Variants in CUL1 observed in about 807,000 individuals in gnomAD.
CUL1 encodes cullin-1.
In CUL1, 24 loss-of-function variants were observed where a neutral mutation model predicts 118.0. That is an observed-to-expected ratio of 0.20 (90% CI 0.15 to 0.29). CUL1 has a LOEUF of 0.29. CUL1 is among the 10% of genes least tolerant of loss of function. The probability of loss-of-function intolerance (pLI) is 1.00; values close to 1 mark genes in which losing one functional copy is unlikely to be tolerated. For missense variants in CUL1, 361 were observed against 933.8 expected (o/e 0.39, Z 7.99); for synonymous variants, 332 against 340.4 (o/e 0.98, Z 0.27).
chr7:148,786,693 G>C (rs1475359891), intron 12 of CUL1, 94 bp downstream of exon 12: 31 of 1,049,748 alleles, frequency 3.0e-5, no homozygotes, highest in East Asian at 1.9e-4. Flanking sequence ...AATGTGAAAA[G>C]TAATAATCAT....
At chr7:148,741,793 C>T (rs548170293) in intron 2 of CUL1, among the ~76,000 whole-genome samples, 1 of 152,096 alleles carries the variant, frequency 6.6e-6, no homozygotes, top group Non-Finnish European at 1.5e-5. Flanking sequence ...AGGCTGGTCT[C>T]GAGCTCCTGG....
rs1379456419 is a variant in CUL1, at chr7:148,711,561, C to T, written c.-162+12532C>T. ...AATCAAATAAAGAGCACGGTAGCGC[C>T]GTTTCTCCTTTTGAACCAGTTTGTA... On this transcript the variant is annotated intron_variant, in intron 1 of 21. Transcript: ENST00000325222. Among the ~76,000 whole-genome samples the T allele has an allele frequency of 4.6e-5, 7 of 152,118 alleles. No homozygotes were observed. The East Asian group carries it at 1.2e-3, about 25-fold the overall frequency.
chr7:148,743,098 T>C (rs73158219), intron 2 of CUL1, among the ~76,000 whole-genome samples: 10,026 of 152,316 alleles, frequency 0.066, 396 homozygotes, highest in Middle Eastern at 0.11. Context: ...TGTTACTAAT[T>C]CCTAATTATA....
At chr7:148,749,244 C>T (rs1584788652) in intron 2 of CUL1, among the ~76,000 whole-genome samples, 1 of 151,452 alleles carries the variant, frequency 6.6e-6, no homozygotes, top group Admixed American at 6.6e-5. Flanking sequence ...TGGAGAAACC[C>T]CGTCTCTACT....
intron 1 of CUL1, among the ~76,000 whole-genome samples, chr7:148,710,493 C>T (rs113832367): frequency 0.017 from 2,529 of 152,200 alleles, 77 homozygotes; most frequent in Admixed American, 0.054. Context: ...CGCTTGAACC[C>T]GGGAGGCGGA....
Position 148,798,752 on chromosome 7 carries a change from G to A in CUL1, c.2136+75G>A, listed in dbSNP as rs764430022. On this transcript the variant is annotated intron_variant, in intron 20 of 21. Transcript: ENST00000325222. ...TGGCTCGCAAGGACGGGCCGTGGGG[G>A]GTAGGCGGGGGTGACAAAGGAGTGA... 5.0e-6 allele frequency: 6 copies of A among 1,188,178 alleles called. 1 individual carries two copies. Among genetic ancestry groups the A allele is most frequent in the South Asian group, 4.9e-5 (4 of 82,022 alleles). 73.6% of individuals were successfully genotyped at this position (1,188,178 alleles called of 1,614,324 possible). A position where few individuals can be genotyped will look rare whatever the true frequency, so the allele number is the denominator to read the frequency against.
intron 9 of CUL1, among the ~76,000 whole-genome samples, chr7:148,778,186 T>C (rs1800482804): frequency 6.6e-6 from 1 of 151,560 alleles, no homozygotes; most frequent in African/African-American, 2.4e-5. Context: ...ATGCTCCATC[T>C]GAAGAACTGT....
chr7:148,778,536 A>C (rs1376025152), intron 9 of CUL1, among the ~76,000 whole-genome samples: 1 of 152,152 alleles, frequency 6.6e-6, no homozygotes, highest in East Asian at 1.9e-4. Flanking sequence ...TGCTGATGCT[A>C]ATGGGAAGAA....
intron 2 of CUL1, among the ~76,000 whole-genome samples, chr7:148,749,230 A>C (rs1369807801): frequency 1.3e-5 from 2 of 152,098 alleles, no homozygotes; most frequent in Non-Finnish European, 2.9e-5. Flanking sequence ...CAGCCTGACC[A>C]ACATGGAGAA....
chr7:148,712,075 C>A lies in CUL1; in HGVS notation c.-162+13046C>A, dbSNP rs139773896. Among the ~76,000 whole-genome samples, 47 of 152,288 alleles carry A rather than the reference C, an allele frequency of 3.1e-4. 1 individual carries two copies. In the East Asian group the frequency reaches 8.7e-3, roughly 28 times the overall value. ...TCTAAAAGGAGGGCAGAATGGCTTGCTGTTTGTATCTTTGTATTTGTGTTA... is the reference window on the plus strand; with the variant it reads ...TCTAAAAGGAGGGCAGAATGGCTTGATGTTTGTATCTTTGTATTTGTGTTA... On this transcript the variant is annotated intron_variant, in intron 1 of 21. Coordinates refer to ENST00000325222, the MANE Select transcript of CUL1 (RefSeq NM_003592.3).
chr7:148,798,813 GCAAGGCCGAGAGCCAGGGC>G (rs1283528854), intron 20 of CUL1, 136 bp downstream of exon 20: 1 of 740,038 alleles, frequency 1.4e-6, no homozygotes, highest in Admixed American at 2.0e-5. Flanking sequence ...GCAGAAGGTG[GCAAGGCCGAGAGCCAGGGC>G]CTTGTTATCT....
At chr7:148,794,062 T>C (rs1293203295) in intron 17 of CUL1, among the ~76,000 whole-genome samples, 2 of 152,196 alleles carry the variant, frequency 1.3e-5, no homozygotes, top group African/African-American at 4.8e-5. Flanking sequence ...AAATGTTTGA[T>C]CAAATTCTTT....
intron 1 of CUL1, among the ~76,000 whole-genome samples, chr7:148,710,257 T>G (rs1798007434): frequency 6.6e-6 from 1 of 151,832 alleles, no homozygotes; most frequent in African/African-American, 2.4e-5. Flanking sequence ...GAAAGGTGCA[T>G]CTTGACTAGG....
At chr7:148,737,524 T>C (rs1196956763) in intron 2 of CUL1, among the ~76,000 whole-genome samples, 1 of 150,866 alleles carries the variant, frequency 6.6e-6, no homozygotes, top group African/African-American at 2.4e-5. Context: ...TTGTTAATGT[T>C]TGAAGATAGG....
rs373575432 is a variant in CUL1 at position 148,783,780 on chromosome 7, A to T, written c.1084-3A>T. 1.1e-5 allele frequency: 17 copies of T among 1,613,636 alleles called. No homozygotes were observed. In the African/African-American group the frequency reaches 2.0e-4, roughly 19 times the overall value. ...TTTGTTTCTATTTCTGCCCCCATTT[A>T]AGGACCCCAAAATGTATGTACAGAC... is the stretch of plus-strand genomic sequence containing the variant. On this transcript the variant is annotated splice_polypyrimidine_tract_variant and splice_region_variant and intron_variant, in intron 9 of 21. Coordinates refer to ENST00000325222, the MANE Select transcript of CUL1 (RefSeq NM_003592.3).
At chr7:148,793,082 C>T (rs1378312433) in intron 17 of CUL1, among the ~76,000 whole-genome samples, 2 of 152,134 alleles carry the variant, frequency 1.3e-5, no homozygotes, top group African/African-American at 2.4e-5. Context: ...ATCACTTGAG[C>T]CTGGGAGGTC....
At chr7:148,769,931 C>T (rs143193306) in intron 9 of CUL1, among the ~76,000 whole-genome samples, 2 of 152,190 alleles carry the variant, frequency 1.3e-5, no homozygotes, top group East Asian at 1.9e-4. Flanking sequence ...AAAGATGGGA[C>T]GTTAATTCTA....
At chr7:148,736,965 A>T (rs1439646737) in intron 2 of CUL1, among the ~76,000 whole-genome samples, 1 of 152,234 alleles carries the variant, frequency 6.6e-6, no homozygotes, top group African/African-American at 2.4e-5. Context: ...TGAGTTTTTA[A>T]AAATTGCTCT....
intron 1 of CUL1, among the ~76,000 whole-genome samples, chr7:148,699,289 C>A (rs974150168): frequency 1.3e-5 from 2 of 151,622 alleles, no homozygotes; most frequent in African/African-American, 4.8e-5. Context: ...GCGGCCAGGC[C>A]TGGACTACGC....
Sources: allele counts gnomAD v4.1 joint callset (sites outside exome capture counted in the v4.1 genomes callset), GRCh38; gene constraint gnomAD v4.1.1; transcripts MANE v1.5; gene names NCBI Gene and HGNC (gene_info 2026-07-23, HGNC 2026-07-21).